IL1RAPL2: variants seen among roughly 807,000 people sequenced by gnomAD.
The protein encoded by IL1RAPL2 is X-linked interleukin-1 receptor accessory protein-like 2.
IL1RAPL2 carries 3 observed loss-of-function variants against 44.1 expected under a neutral mutation model. The observed-to-expected ratio is 0.07, with a 90% CI of 0.03 to 0.18. The LOEUF (loss-of-function observed/expected upper bound fraction) is 0.18. IL1RAPL2 is among the 10% of genes least tolerant of loss of function. The probability of loss-of-function intolerance (pLI) is 1.00; values close to 1 mark genes in which losing one functional copy is unlikely to be tolerated. For synonymous variants in IL1RAPL2, 181 were observed against 178.8 expected (o/e 1.01, Z -0.10); for missense variants, 391 against 496.4 (o/e 0.79, Z 2.02).
chrX:105,290,507 A>G (rs1236130838), intron 5 of IL1RAPL2, among the ~76,000 whole-genome samples: 3 of 111,615 alleles, frequency 2.7e-5, no homozygotes, highest in African/African-American at 6.5e-5. Context: ...ACATCTGAAC[A>G]TTATCTTGAA....
chrX:104,839,721 C>CT (rs1204314723), intron 2 of IL1RAPL2, among the ~76,000 whole-genome samples: 1 of 111,309 alleles, frequency 9.0e-6, no homozygotes, highest in African/African-American at 3.3e-5. Context: ...TGGTCCTGGG[C>CT]TTTTTTTGTT....
intron 2 of IL1RAPL2, among the ~76,000 whole-genome samples, chrX:104,894,741 T>G (rs774446778): frequency 4.1e-4 from 46 of 112,307 alleles, no homozygotes; most frequent in African/African-American, 1.4e-3. Context: ...ACTTCCTCCT[T>G]TAGCTTTGAG....
intron 2 of IL1RAPL2, among the ~76,000 whole-genome samples, chrX:105,087,668 G>A (rs1260598844): frequency 8.9e-6 from 1 of 111,781 alleles, no homozygotes; most frequent in African/African-American, 3.2e-5. Flanking sequence ...TACTACTTGT[G>A]TGACCTTGGG....
At chrX:105,614,627 T>C (rs2037359812) in intron 6 of IL1RAPL2, among the ~76,000 whole-genome samples, 1 of 111,643 alleles carries the variant, frequency 9.0e-6, no homozygotes, top group Non-Finnish European at 1.9e-5. Context: ...TAAATGTTCA[T>C]ATGCAGAAGG....
chrX:104,859,780 A>G (rs1922449268), intron 2 of IL1RAPL2, among the ~76,000 whole-genome samples: 1 of 112,312 alleles, frequency 8.9e-6, no homozygotes, highest in Non-Finnish European at 1.9e-5. Flanking sequence ...GGCACAACAT[A>G]TGTAATATAG....
At chrX:105,082,554 G>A (rs2032426196) in intron 2 of IL1RAPL2, among the ~76,000 whole-genome samples, 1 of 110,830 alleles carries the variant, frequency 9.0e-6, no homozygotes, top group African/African-American at 3.3e-5. Context: ...GGAGAGCTCT[G>A]GCTGGCATCT....
At chrX:104,648,744 A>G (rs1371705359) in intron 1 of IL1RAPL2, among the ~76,000 whole-genome samples, 1 of 111,633 alleles carries the variant, frequency 9.0e-6, no homozygotes, top group Admixed American at 9.5e-5. Flanking sequence ...CTTAATGGTC[A>G]GAACTCAAGA....
chrX:105,373,455 C>A (rs2035360375), intron 5 of IL1RAPL2, among the ~76,000 whole-genome samples: 1 of 111,595 alleles, frequency 9.0e-6, no homozygotes, highest in Non-Finnish European at 1.9e-5. Context: ...AATTTTCTCC[C>A]ATTCCTTAGG....
intron 6 of IL1RAPL2, among the ~76,000 whole-genome samples, chrX:105,573,097 C>T (rs2037026319): frequency 9.0e-6 from 1 of 111,248 alleles, no homozygotes; most frequent in African/African-American, 3.3e-5. Context: ...TCACTCCTGT[C>T]ACCCAGGCTG....
intron 2 of IL1RAPL2, among the ~76,000 whole-genome samples, chrX:104,842,230 A>G: frequency 9.1e-6 from 1 of 109,889 alleles, no homozygotes; most frequent in Non-Finnish European, 1.9e-5. Flanking sequence ...TGTGTTTTAC[A>G]GCTTCATCAG....
At chrX:105,691,742 T>C (rs2147531903) in intron 6 of IL1RAPL2, among the ~76,000 whole-genome samples, 1 of 111,959 alleles carries the variant, frequency 8.9e-6, no homozygotes, top group South Asian at 3.7e-4. Flanking sequence ...GCCAGACATA[T>C]GTTTTAACTG....
Position 105,673,137 on chromosome X carries a change from A to T in IL1RAPL2, c.773-44230A>T, listed in dbSNP as rs1286176907. On this transcript the variant is annotated intron_variant, in intron 6 of 10. Transcript: ENST00000372582. The stretch of plus-strand genomic sequence containing the variant: ...AAATAGGAGATATTATAGCGACTCT[A>T]TCTTCCCAGAAGCATAAGGCTTTAT... 7.2e-5 allele frequency among the ~76,000 whole-genome samples: 8 copies of T among 111,574 alleles called. No individual in the cohort carries two copies. The Admixed American group carries it at 7.7e-4, about 11-fold the overall frequency.
At chrX:105,435,228 T>C (rs2035873625) in intron 5 of IL1RAPL2, among the ~76,000 whole-genome samples, 1 of 111,683 alleles carries the variant, frequency 9.0e-6, no homozygotes. Flanking sequence ...TTTAAAGTAG[T>C]TTTTTCTAAT....
At chrX:104,795,628 G>GTT (rs1222079981) in intron 2 of IL1RAPL2, among the ~76,000 whole-genome samples, 1 of 111,153 alleles carries the variant, frequency 9.0e-6, no homozygotes, top group Admixed American at 9.6e-5. Flanking sequence ...AATCCCTCCT[G>GTT]GAGTGTAAAT....
At chrX:104,814,358 G>A (rs1921078841) in intron 2 of IL1RAPL2, among the ~76,000 whole-genome samples, 1 of 112,068 alleles carries the variant, frequency 8.9e-6, no homozygotes. Flanking sequence ...TTTGCCTCTT[G>A]ATGATTTATT....
intron 2 of IL1RAPL2, among the ~76,000 whole-genome samples, chrX:105,192,581 T>C (rs114953934): frequency 0.024 from 2,662 of 111,734 alleles, 76 homozygotes; most frequent in African/African-American, 0.082. Flanking sequence ...AATACTCTAA[T>C]TTAGGTTTAA....
chrX:105,136,417 G>A (rs914282094), intron 2 of IL1RAPL2, among the ~76,000 whole-genome samples: 1 of 111,985 alleles, frequency 8.9e-6, no homozygotes, highest in Non-Finnish European at 1.9e-5. Context: ...CTCCACAAAG[G>A]CACGTGTAAA....
rs958515138 is a variant in IL1RAPL2, at chrX:105,066,408, C to G, written c.83-129067C>G. ...TACCAACTGTGATAGTGACTAAACT[C>G]AAATGTGTCCTAAGAGCAGCTACTG... On this transcript the variant is annotated intron_variant, in intron 2 of 10. Transcript: ENST00000372582. Among the ~76,000 whole-genome samples the G allele has an allele frequency of 8.1e-5, 9 of 111,743 alleles. No individual in the cohort carries two copies. The Admixed American group carries it at 8.6e-4, about 11-fold the overall frequency.
intron 2 of IL1RAPL2, among the ~76,000 whole-genome samples, chrX:105,121,682 T>A (rs1199173040): frequency 9.0e-6 from 1 of 111,438 alleles, no homozygotes. Context: ...TGTTCTAAAT[T>A]CAAGTGGTGT....
Sources: allele counts gnomAD v4.1 joint callset (sites outside exome capture counted in the v4.1 genomes callset), GRCh38; gene constraint gnomAD v4.1.1; transcripts MANE v1.5; gene names NCBI Gene and HGNC (gene_info 2026-07-23, HGNC 2026-07-21).